The following ZMAT4 variants were observed in gnomAD, a reference collection of about 807,000 sequenced individuals.
The protein encoded by ZMAT4 is zinc finger matrin-type protein 4.
A neutral mutation model predicts 28.7 loss-of-function variants in ZMAT4; 17 were observed. The ratio of observed to expected loss-of-function variants is 0.59; its 90% CI spans 0.41 to 0.89. The LOEUF is 0.89. Ranked by LOEUF, ZMAT4 falls within the 40% of genes least tolerant of loss-of-function variation. The pLI, the probability that ZMAT4 is intolerant of heterozygous loss-of-function variation, is 0.00. For missense variants in ZMAT4, 240 were observed against 283.8 expected (o/e 0.85, Z 1.11); for synonymous variants, 117 against 109.2 (o/e 1.07, Z -0.44).
intron 1 of ZMAT4, among the ~76,000 whole-genome samples, chr8:40,853,366 C>T (rs1817183224): frequency 6.6e-6 from 1 of 152,054 alleles, no homozygotes. Flanking sequence ...ACCAGCCTGG[C>T]CAACATGTGA....
At chr8:40,598,248 C>A (rs1839835) in intron 5 of ZMAT4, among the ~76,000 whole-genome samples, 24,490 of 152,108 alleles carry the variant, frequency 0.16, 2,892 homozygotes, top group East Asian at 0.57. Flanking sequence ...GCAGAATGTG[C>A]AGGTTTGTTA....
chr8:40,875,749 C>T (rs1378013952), intron 1 of ZMAT4, among the ~76,000 whole-genome samples: 1 of 152,028 alleles, frequency 6.6e-6, no homozygotes, highest in Non-Finnish European at 1.5e-5. Context: ...CCACAGTGCC[C>T]GGGCCGGTCA....
At chr8:40,630,223 A>G (rs533332604) in intron 5 of ZMAT4, among the ~76,000 whole-genome samples, 1 of 152,356 alleles carries the variant, frequency 6.6e-6, no homozygotes, top group East Asian at 1.9e-4. Flanking sequence ...GTTAACTGGT[A>G]TAAGAAATCC....
chr8:40,877,170 G>T (rs1361128895), intron 1 of ZMAT4, among the ~76,000 whole-genome samples: 1 of 152,146 alleles, frequency 6.6e-6, no homozygotes, highest in Non-Finnish European at 1.5e-5. Flanking sequence ...GGAGATGGCC[G>T]TCTACAAGCC....
rs552381427 is a variant in ZMAT4, at chr8:40,613,980, C to A, written c.578-32719G>T. 2.0e-5 allele frequency among the ~76,000 whole-genome samples: 3 copies of A among 152,342 alleles called. 1 individual carries two copies. The South Asian group carries it at 6.2e-4, about 32-fold the overall frequency. ...CTCCCTCCTATGGGCTGCTTTGAAG[C>A]AACTGTCCTTGACATGGAGAGTCCA... On this transcript the variant is annotated intron_variant, in intron 5 of 6. Coordinates refer to ENST00000297737, the MANE Select transcript of ZMAT4 (RefSeq NM_024645.3).
At chr8:40,813,954 C>T (rs1342946582) in intron 2 of ZMAT4, among the ~76,000 whole-genome samples, 1 of 152,094 alleles carries the variant, frequency 6.6e-6, no homozygotes, top group Non-Finnish European at 1.5e-5. Context: ...AAAGCCTTTC[C>T]TGCAATTGGA....
intron 2 of ZMAT4, among the ~76,000 whole-genome samples, chr8:40,788,272 A>G (rs1814167090): frequency 6.7e-6 from 1 of 149,744 alleles, no homozygotes; most frequent in Admixed American, 6.6e-5. Context: ...ATTACCTGAA[A>G]AAACAAACTA....
intron 1 of ZMAT4, among the ~76,000 whole-genome samples, chr8:40,887,846 T>A (rs1266353197): frequency 6.6e-6 from 1 of 152,154 alleles, no homozygotes; most frequent in African/African-American, 2.4e-5. Context: ...GATCCTGGAA[T>A]GCTGGGGCAC....
chr8:40,573,425 C>G (rs940937253), intron 6 of ZMAT4, among the ~76,000 whole-genome samples: 2 of 152,158 alleles, frequency 1.3e-5, no homozygotes, highest in Non-Finnish European at 2.9e-5. Context: ...ACTCCAATTT[C>G]TGCCTTCATC....
intron 1 of ZMAT4, among the ~76,000 whole-genome samples, chr8:40,846,615 C>A (rs932064480): frequency 6.6e-6 from 1 of 152,220 alleles, no homozygotes; most frequent in South Asian, 2.1e-4. Context: ...CTCACTCCCC[C>A]TTGGCGTCCC....
In ZMAT4 at chr8:40,827,534, T is replaced by G. The variant is rs570853462; in HGVS notation, c.-4-1854A>C. ...AGGATGTCTGCCTCAAGTACTCCAA[T>G]CTCACGTTCTGTCCTTGGCCCTGGC... On this transcript the variant is annotated intron_variant, in intron 1 of 6. Coordinates refer to ENST00000297737, the MANE Select transcript of ZMAT4 (RefSeq NM_024645.3). Among the ~76,000 whole-genome samples, 5 of 152,338 alleles carry G rather than the reference T, an allele frequency of 3.3e-5. No homozygotes were observed. The East Asian group carries it at 9.6e-4, about 29-fold the overall frequency.
intron 6 of ZMAT4, among the ~76,000 whole-genome samples, chr8:40,551,729 TC>T (rs1262725479): frequency 6.6e-6 from 1 of 152,186 alleles, no homozygotes; most frequent in Non-Finnish European, 1.5e-5. Context: ...CTAATACTAG[TC>T]TCTCACTTAG....
intron 3 of ZMAT4, among the ~76,000 whole-genome samples, chr8:40,703,661 A>C (rs1282442558): frequency 6.6e-6 from 1 of 152,142 alleles, no homozygotes; most frequent in Non-Finnish European, 1.5e-5. Flanking sequence ...GTTACTGTAG[A>C]TCTGGCAGTC....
chr8:40,661,925 C>T (rs1460661374), intron 5 of ZMAT4, among the ~76,000 whole-genome samples: 1 of 152,180 alleles, frequency 6.6e-6, no homozygotes, highest in African/African-American at 2.4e-5. Flanking sequence ...ATGATATTGT[C>T]AGCTTCTTCA....
Position 40,674,706 on chromosome 8 carries a change from C to T in ZMAT4, c.575G>A (p.Arg192Lys). 6.2e-7 allele frequency: 1 copy of T among 1,613,702 alleles called. No homozygotes were observed. Among genetic ancestry groups the T allele is most frequent in the Non-Finnish European group, 8.5e-7 (1 of 1,179,676 alleles). ...LGTTLDMGEL[R>K]GLRRNYRCTI... ...GAAGTGAGAAGAGCTGCCCTTACCT[C>T]TCAGTTCCCCCATATCCAGGGTTGT... Residue 192 changes from arginine (R) to lysine (K), a missense_variant and splice_region_variant, in exon 5 of 7, where the codon AGA becomes AAA. Arg to Lys is a conservative substitution (Grantham distance 26, BLOSUM62 2). Coordinates refer to ENST00000297737, the MANE Select transcript of ZMAT4 (RefSeq NM_024645.3).
At chr8:40,712,863 C>T (rs955250562) in intron 3 of ZMAT4, among the ~76,000 whole-genome samples, 4 of 152,078 alleles carry the variant, frequency 2.6e-5, no homozygotes, top group African/African-American at 9.7e-5. Flanking sequence ...AAGAAAGGGA[C>T]TAAAGAATTT....
intron 6 of ZMAT4, among the ~76,000 whole-genome samples, chr8:40,544,123 G>A (rs2118392325): frequency 6.6e-6 from 1 of 152,272 alleles, no homozygotes; most frequent in Admixed American, 6.5e-5. Flanking sequence ...CTCTGCCCTG[G>A]CCAGCACTAA....
At chr8:40,707,221 C>A (rs531202505) in intron 3 of ZMAT4, among the ~76,000 whole-genome samples, 29 of 97,114 alleles carry the variant, frequency 3.0e-4, no homozygotes, top group Middle Eastern at 0.01. Context: ...CCTGCCCCCC[C>A]ACCCCCCCAC....
chr8:40,828,360 C>T (rs949206054), intron 1 of ZMAT4, among the ~76,000 whole-genome samples: 14 of 152,138 alleles, frequency 9.2e-5, no homozygotes, highest in East Asian at 5.8e-4. Flanking sequence ...AATAGATTCA[C>T]GGATGACCTG....
Sources: gnomAD v4.1 joint callset for allele counts (sites outside exome capture counted in the v4.1 genomes callset) on GRCh38, gnomAD v4.1.1 for gene constraint, MANE v1.5 for transcripts, NCBI Gene and HGNC (gene_info 2026-07-23, HGNC 2026-07-21) for gene names.